PROM1: variants seen among roughly 807,000 people sequenced by gnomAD.
The protein encoded by PROM1 is prominin-1.
A neutral mutation model predicts 116.9 loss-of-function variants in PROM1; 105 were observed. That is an observed-to-expected ratio of 0.90 (90% CI 0.77 to 1.06). PROM1 has a LOEUF of 1.06. Among genes scored for constraint, PROM1 ranks in the 50% least tolerant of loss-of-function variants. The pLI, the probability that PROM1 is intolerant of heterozygous loss-of-function variation, is 0.00. For missense variants in PROM1, 1,122 were observed against 1,045.2 expected (o/e 1.07, Z -1.01); for synonymous variants, 393 against 387.0 (o/e 1.02, Z -0.18).
intron 2 of PROM1, among the ~76,000 whole-genome samples, chr4:16,058,745 A>G (rs1739624886): frequency 6.6e-6 from 1 of 152,218 alleles, no homozygotes; most frequent in African/African-American, 2.4e-5. Context: ...AAATGCATTT[A>G]TTAGGAAATA....
intron 13 of PROM1, among the ~76,000 whole-genome samples, chr4:16,002,190 G>T (rs1316017578): frequency 6.6e-6 from 1 of 152,032 alleles, no homozygotes; most frequent in Non-Finnish European, 1.5e-5. Flanking sequence ...ACTGTTGCAG[G>T]AAAGTGTGGG....
chr4:16,010,027 ACT>A (rs1354583273), intron 11 of PROM1, among the ~76,000 whole-genome samples: 3 of 151,672 alleles, frequency 2.0e-5, no homozygotes, highest in Middle Eastern at 3.2e-3. Flanking sequence ...AACACAAGTG[ACT>A]CTGGGTGATA....
At chr4:16,062,935 T>C (rs1275927816) in intron 2 of PROM1, among the ~76,000 whole-genome samples, 1 of 152,176 alleles carries the variant, frequency 6.6e-6, no homozygotes, top group African/African-American at 2.4e-5. Flanking sequence ...AAAGTTGCAA[T>C]ATATTTGAGA....
At chr4:16,018,255 C>T (rs1247100981) in intron 9 of PROM1, 68 bp downstream of exon 9, 1 of 1,496,864 alleles carries the variant, frequency 6.7e-7, no homozygotes. Context: ...ATAGGTCACC[C>T]ACGCTTAGCC....
chr4:16,064,138 T>C (rs1255260979), intron 2 of PROM1, among the ~76,000 whole-genome samples: 1 of 152,136 alleles, frequency 6.6e-6, no homozygotes, highest in Non-Finnish European at 1.5e-5. Context: ...CCGGCAGAAA[T>C]GTGTACATAT....
At chr4:15,981,290 G>T (rs1428605264) in intron 23 of PROM1, among the ~76,000 whole-genome samples, 1 of 148,150 alleles carries the variant, frequency 6.7e-6, no homozygotes, top group Non-Finnish European at 1.5e-5. Flanking sequence ...TGACAAATTA[G>T]CCAGGTGCGG....
intron 9 of PROM1, 141 bp from the exon 10 acceptor site, chr4:16,016,381 G>T: frequency 1.5e-6 from 1 of 681,180 alleles, no homozygotes; most frequent in African/African-American, 1.9e-5. Flanking sequence ...GAACAATAGA[G>T]TTTTATTTCG....
intron 3 of PROM1, among the ~76,000 whole-genome samples, chr4:16,036,465 T>C (rs1181652400): frequency 1.3e-5 from 2 of 152,194 alleles, no homozygotes; most frequent in African/African-American, 4.8e-5. Context: ...CAGATATACC[T>C]GCCTCTGGGG....
chr4:16,074,858 G>A (rs891715866), intron 2 of PROM1, among the ~76,000 whole-genome samples: 2 of 152,158 alleles, frequency 1.3e-5, no homozygotes, highest in African/African-American at 4.8e-5. Context: ...GAACAGCTAA[G>A]GAAAATGATA....
intron 26 of PROM1, among the ~76,000 whole-genome samples, chr4:15,975,956 A>G (rs936201016): frequency 6.6e-6 from 1 of 152,228 alleles, no homozygotes; most frequent in African/African-American, 2.4e-5. Flanking sequence ...GAGTTCTACT[A>G]TAGAACACAG....
intron 13 of PROM1, among the ~76,000 whole-genome samples, chr4:16,004,832 T>TTCCTTCCTTCCTTCCTTC (rs1203366908): frequency 1.6e-5 from 2 of 122,506 alleles, no homozygotes; most frequent in African/African-American, 6.0e-5. Context: ...TCTTTCTTTT[T>TTCCTTCCTTCCTTCCTTC]CTTCCTTCCT....
intron 15 of PROM1, among the ~76,000 whole-genome samples, chr4:15,994,841 A>G (rs1721916536): frequency 6.6e-6 from 1 of 152,092 alleles, no homozygotes; most frequent in Non-Finnish European, 1.5e-5. Flanking sequence ...ACTTTCCCAC[A>G]TCCCTAGGAG....
Position 16,000,580 on chromosome 4 carries a change from C to G in PROM1, c.1494G>C (p.Met498Ile). The G allele has an allele frequency of 1.3e-6, 2 of 1,583,838 alleles. No individual in the cohort carries two copies. ...AGACAAAGGTAAGAACCACAATGATCATCAATATCCAGCAAAAGAGGAAAC... is the reference window on the plus strand; with the variant it reads ...AGACAAAGGTAAGAACCACAATGATGATCAATATCCAGCAAAAGAGGAAAC... ...GLSFLFCWIL[M>I]IIVVLTFVFG... The change falls in exon 14 of 28, where the codon ATG becomes ATC. Residue 498 changes from methionine (M) to isoleucine (I), a missense_variant. By Grantham distance (10) the Met-to-Ile change is conservative. Transcript: ENST00000447510.
intron 25 of PROM1, 47 bp downstream of exon 25, chr4:15,979,834 A>G (rs1395470034): frequency 7.1e-7 from 1 of 1,409,572 alleles, no homozygotes; most frequent in East Asian, 2.5e-5. Flanking sequence ...AATAATATCA[A>G]CCTCCCCCAT....
chr4:16,012,188 G>C (rs1022198809), intron 11 of PROM1, among the ~76,000 whole-genome samples: 2 of 151,956 alleles, frequency 1.3e-5, no homozygotes. Flanking sequence ...GTAGAGATGG[G>C]GTCTCACCAT....
rs60492380 is a variant in PROM1 at position 16,033,586 on chromosome 4, CTTTTTTTTT to C, written c.304-86_304-78del. ...AGAACATTCCATGGTGTACAAAGTT[CTTTTTTTTT>C]TTTTTTTTTTTTGAGACAGGGTCTC... On this transcript the variant is annotated intron_variant, in intron 4 of 27. Transcript: ENST00000447510. 1.8e-5 allele frequency: 5 copies of C among 272,886 alleles called. No homozygotes were observed. The Admixed American group carries it at 2.1e-4, about 12-fold the overall frequency. 16.9% of individuals were successfully genotyped at this position (272,886 alleles called of 1,614,324 possible). A position where few individuals can be genotyped will look rare whatever the true frequency, so the allele number is the denominator to read the frequency against.
chr4:15,994,412 G>C (rs1721814698), intron 15 of PROM1, among the ~76,000 whole-genome samples: 1 of 152,268 alleles, frequency 6.6e-6, no homozygotes, highest in Non-Finnish European at 1.5e-5. Context: ...ATACTTGCTA[G>C]AAAGAGACGC....
Position 15,984,351 on chromosome 4 carries a change from C to T in PROM1, c.2285G>A (p.Ser762Asn). ...HYLQWIEFSISEKVASCKPVA... is the reference protein window; with the variant it reads ...HYLQWIEFSINEKVASCKPVA... ...AGGTTTGCACGATGCCACTTTCTCA[C>T]TGATCTAGGGGGGTGGAAACACAGG... Residue 762 changes from serine to asparagine, a missense_variant, in exon 23 of 28, where the codon AGT (serine) becomes AAT (asparagine). By Grantham distance (46) the Ser-to-Asn change is conservative. Transcript: ENST00000447510. 2 of 1,586,764 alleles carry T rather than the reference C, an allele frequency of 1.3e-6. No individual in the cohort carries two copies. The highest frequency in any genetic ancestry group is 1.7e-6 in the Non-Finnish European group (2 of 1,164,686).
chr4:16,041,790 ATAT>A lies in PROM1; in HGVS notation c.221-2792_221-2790del, dbSNP rs1560554326. ...AATAAATAAATAAATAAATAAATAT[ATAT>A]ATATATATATATATGAAAGGCTGAG... On this transcript the variant is annotated intron_variant, in intron 2 of 27. Transcript: ENST00000447510. Among the ~76,000 whole-genome samples the A allele has an allele frequency of 9.7e-3, 815 of 83,982 alleles. 14 individuals carry two copies. Among genetic ancestry groups the A allele is most frequent in the African/African-American group, 0.051 (763 of 14,828 alleles). The allele number at this position is 83,982 out of a possible 152,430, so 55.1% of individuals were successfully genotyped here. A position where few individuals can be genotyped will look rare whatever the true frequency, so the allele number is the denominator to read the frequency against.
Sources: gnomAD v4.1 joint callset for allele counts (sites outside exome capture counted in the v4.1 genomes callset) on GRCh38, gnomAD v4.1.1 for gene constraint, MANE v1.5 for transcripts, NCBI Gene and HGNC (gene_info 2026-07-23, HGNC 2026-07-21) for gene names.